Variants in PRICKLE2 observed in about 807,000 individuals in gnomAD.
PRICKLE2 encodes prickle-like protein 2.
PRICKLE2 carries 21 observed loss-of-function variants against 81.4 expected under a neutral mutation model. That is an observed-to-expected ratio of 0.26 (90% CI 0.18 to 0.37). The LOEUF (loss-of-function observed/expected upper bound fraction) is 0.37, where lower values mean the gene tolerates loss of function less well. PRICKLE2 is among the 10% of genes least tolerant of loss of function. PRICKLE2 has a pLI of 1.00. For missense variants in PRICKLE2, 940 were observed against 1,109.0 expected (o/e 0.85, Z 2.16); for synonymous variants, 456 against 421.5 (o/e 1.08, Z -1.00).
At chr3:64,208,572 T>G (rs968031845) in intron 1 of PRICKLE2, among the ~76,000 whole-genome samples, 1 of 152,248 alleles carries the variant, frequency 6.6e-6, no homozygotes, top group African/African-American at 2.4e-5. Flanking sequence ...CTCTGACTCC[T>G]GTTGCTCTAG....
intron 7 of PRICKLE2, chr3:64,106,198 C>A (rs1340807507): frequency 2.0e-5 from 3 of 152,188 alleles, no homozygotes; most frequent in African/African-American, 7.2e-5. Flanking sequence ...AGCTCCCTTT[C>A]AGTAGGGTCT....
At chr3:64,234,521 A>G (rs1346158147) in intron 2 of PRICKLE2, among the ~76,000 whole-genome samples, 1 of 152,200 alleles carries the variant, frequency 6.6e-6, no homozygotes, top group African/African-American at 2.4e-5. Context: ...TGTTAAAATT[A>G]GTAAGTTATA....
chr3:64,215,212 G>A (rs952434712), intron 1 of PRICKLE2, among the ~76,000 whole-genome samples: 2 of 152,046 alleles, frequency 1.3e-5, no homozygotes, highest in African/African-American at 4.8e-5. Flanking sequence ...AATTTATTTT[G>A]TTCTACTCTA....
At chr3:64,265,988 G>GAAAATAAAATAAATAAT (rs1373436249) in intron 2 of PRICKLE2, among the ~76,000 whole-genome samples, 1 of 152,038 alleles carries the variant, frequency 6.6e-6, no homozygotes, top group Non-Finnish European at 1.5e-5. Context: ...GTACAACCCC[G>GAAAATAAAATAAATAAT]AAAATAAAAA....
At chr3:64,148,576 T>C (rs938243718) in intron 6 of PRICKLE2, among the ~76,000 whole-genome samples, 1 of 152,170 alleles carries the variant, frequency 6.6e-6, no homozygotes, top group East Asian at 1.9e-4. Context: ...GTGGATGCTA[T>C]GGTGAATGTT....
chr3:64,167,038 A>C (rs780155796), intron 2 of PRICKLE2, among the ~76,000 whole-genome samples: 16 of 152,228 alleles, frequency 1.1e-4, no homozygotes, highest in Non-Finnish European at 1.9e-4. Flanking sequence ...CTCCACAGTG[A>C]AACTACTGTA....
intron 2 of PRICKLE2, among the ~76,000 whole-genome samples, chr3:64,188,329 T>A (rs1426769823): frequency 6.6e-6 from 1 of 152,124 alleles, no homozygotes; most frequent in African/African-American, 2.4e-5. Flanking sequence ...AGTGATGGAG[T>A]CTAGATGTGG....
intron 7 of PRICKLE2, among the ~76,000 whole-genome samples, chr3:64,142,502 G>C (rs1396591518): frequency 1.3e-5 from 2 of 151,904 alleles, no homozygotes; most frequent in South Asian, 2.1e-4. Flanking sequence ...GTAGAGACGG[G>C]GTTTTGCCAC....
chr3:64,197,548 T>C (rs886931284), intron 2 of PRICKLE2, among the ~76,000 whole-genome samples: 4 of 152,182 alleles, frequency 2.6e-5, no homozygotes, highest in African/African-American at 9.7e-5. Context: ...ATCATATCCT[T>C]TGGAGGAACA....
chr3:64,134,809 A>C (rs1302774861), intron 7 of PRICKLE2, among the ~76,000 whole-genome samples: 1 of 152,224 alleles, frequency 6.6e-6, no homozygotes, highest in East Asian at 1.9e-4. Context: ...AGTATAAAGA[A>C]AGAAAAAGGG....
chr3:64,224,567 T>G (rs747649221), intron 1 of PRICKLE2, among the ~76,000 whole-genome samples: 1 of 152,214 alleles, frequency 6.6e-6, no homozygotes, highest in Non-Finnish European at 1.5e-5. Flanking sequence ...CTACTGTACA[T>G]GAACGCTATC....
At chr3:64,223,732 G>A (rs1341077882) in intron 1 of PRICKLE2, among the ~76,000 whole-genome samples, 1 of 152,180 alleles carries the variant, frequency 6.6e-6, no homozygotes, top group East Asian at 1.9e-4. Context: ...TGGTAATTAT[G>A]TCAAAGTTGT....
At chr3:64,140,357 T>C (rs1223095527) in intron 7 of PRICKLE2, among the ~76,000 whole-genome samples, 1 of 152,170 alleles carries the variant, frequency 6.6e-6, no homozygotes, top group Non-Finnish European at 1.5e-5. Context: ...GCTAAGTGAA[T>C]CAAAAAAATA....
At position 64,198,140 on chromosome 3, in the gene PRICKLE2, A is replaced by G. The variant is rs2078495040; in HGVS notation, c.144+644T>C. Among the ~76,000 whole-genome samples, 2 of 151,998 alleles carry G rather than the reference A, an allele frequency of 1.3e-5. 1 individual carries two copies. The highest frequency in any genetic ancestry group is 4.1e-4 in the South Asian group (2 of 4,820). On this transcript the variant is annotated intron_variant, in intron 2 of 7. Transcript: ENST00000638394. ...GGCAGGAGAATGGCGTGAACCCGGG[A>G]GGCAGAGCTTGCAGTGAGCCAAGAT...
intron 7 of PRICKLE2, among the ~76,000 whole-genome samples, chr3:64,125,642 A>C (rs983053439): frequency 6.6e-6 from 1 of 152,236 alleles, no homozygotes; most frequent in Non-Finnish European, 1.5e-5. Context: ...GTAATAAAGT[A>C]TTTTTAAATT....
Position 64,199,350 on chromosome 3 carries a change from A to G in PRICKLE2, c.-40-383T>C, listed in dbSNP as rs531287255. 178 of 274,616 alleles carry G rather than the reference A, an allele frequency of 6.5e-4. 2 individuals are homozygous for G. In the South Asian group the frequency reaches 0.01, roughly 16 times the overall value. The allele number at this position is 274,616 out of a possible 1,614,324, so 17.0% of individuals were successfully genotyped here. ...AATAGCAATTAAATATACATAATACATATGTTGACCTGAAGTGTTACTTGT... is the reference window on the plus strand; with the variant it reads ...AATAGCAATTAAATATACATAATACGTATGTTGACCTGAAGTGTTACTTGT... On this transcript the variant is annotated intron_variant, in intron 1 of 7. Transcript: ENST00000638394.
At chr3:64,116,885 TACA>T (rs1052666300) in intron 7 of PRICKLE2, among the ~76,000 whole-genome samples, 8 of 151,998 alleles carry the variant, frequency 5.3e-5, no homozygotes, top group Admixed American at 1.3e-4. Context: ...CTGGTAGAGA[TACA>T]ACAACAACAA....
At chr3:64,123,096 G>A (rs2077051288) in intron 7 of PRICKLE2, among the ~76,000 whole-genome samples, 1 of 152,290 alleles carries the variant, frequency 6.6e-6, no homozygotes, top group East Asian at 1.9e-4. Context: ...CCTTTTGATG[G>A]AAGTGCAACT....
intron 2 of PRICKLE2, among the ~76,000 whole-genome samples, chr3:64,233,237 T>A (rs953218658): frequency 6.7e-6 from 1 of 148,294 alleles, no homozygotes. Context: ...CAAGTCACCA[T>A]CAACTCTTGC....
Sources: allele counts gnomAD v4.1 joint callset (sites outside exome capture counted in the v4.1 genomes callset), GRCh38; gene constraint gnomAD v4.1.1; transcripts MANE v1.5; gene names NCBI Gene and HGNC (gene_info 2026-07-23, HGNC 2026-07-21).